ADARB1: variants seen among roughly 807,000 people sequenced by gnomAD.
The protein encoded by ADARB1 is double-stranded RNA-specific editase 1.
In ADARB1, 10 loss-of-function variants were observed where a neutral mutation model predicts 52.4. The ratio of observed to expected loss-of-function variants is 0.19; its 90% CI spans 0.12 to 0.32. The LOEUF (loss-of-function observed/expected upper bound fraction) is 0.32. Among genes scored for constraint, ADARB1 ranks in the 10% least tolerant of loss-of-function variants. The pLI, the probability that ADARB1 is intolerant of heterozygous loss-of-function variation, is 1.00. For missense variants in ADARB1, 643 were observed against 922.3 expected (o/e 0.70, Z 3.92); for synonymous variants, 349 against 371.1 (o/e 0.94, Z 0.68).
At position 45,223,250 on chromosome 21, in the gene ADARB1, C is replaced by T; in HGVS notation, c.*1053C>T. 1.0e-6 allele frequency: 1 copy of T among 985,464 alleles called. No individual in the cohort carries two copies. Among genetic ancestry groups the T allele is most frequent in the Non-Finnish European group, 1.2e-6 (1 of 829,936 alleles). 61.0% of individuals were successfully genotyped at this position (985,464 alleles called of 1,614,324 possible). A position where few individuals can be genotyped will look rare whatever the true frequency, so the allele number is the denominator to read the frequency against. ...TTTAAATTATTGTTTCCAGCTTTAT[C>T]AAAGACATGTTTGAAAAATAAAAAG... On this transcript the variant is annotated 3_prime_UTR_variant, in exon 11 of 11. Coordinates refer to ENST00000348831, the MANE Select transcript of ADARB1 (RefSeq NM_001112.4).
chr21:45,090,486 C>G (rs975719073), intron 1 of ADARB1, among the ~76,000 whole-genome samples: 9 of 152,004 alleles, frequency 5.9e-5, no homozygotes, highest in Admixed American at 5.9e-4. Flanking sequence ...TGCCAATTTC[C>G]AAGTTATAAA....
Position 45,172,566 on chromosome 21 carries a change from A to G in ADARB1, c.28+882A>G, listed in dbSNP as rs2091528364. Among the ~76,000 whole-genome samples the G allele has an allele frequency of 1.3e-5, 2 of 152,148 alleles. No homozygotes were observed. Among genetic ancestry groups the G allele is most frequent in the African/African-American group, 2.4e-5 (1 of 41,432 alleles). On this transcript the variant is annotated intron_variant, in intron 3 of 10. Transcript: ENST00000348831. The surrounding 1 kb of genome is among the most constrained non-coding windows in gnomAD (Gnocchi z 4.4). ...TTGCGTACCATGTAGAACCCAAACCATGACCCAGTGAAGCATTTCTGCATG... is the reference window on the plus strand; with the variant it reads ...TTGCGTACCATGTAGAACCCAAACCGTGACCCAGTGAAGCATTTCTGCATG...
intron 1 of ADARB1, among the ~76,000 whole-genome samples, chr21:45,109,177 G>C (rs918999707): frequency 7.0e-6 from 1 of 143,282 alleles, no homozygotes; most frequent in Admixed American, 7.1e-5. Context: ...GTGTGCGCGC[G>C]TGTGCGTATA....
chr21:45,178,048 A>C (rs192296764), intron 4 of ADARB1, among the ~76,000 whole-genome samples: 1 of 152,292 alleles, frequency 6.6e-6, no homozygotes, highest in Non-Finnish European at 1.5e-5. Flanking sequence ...TGAGTTCAAA[A>C]TATTGTCTGA....
intron 1 of ADARB1, among the ~76,000 whole-genome samples, chr21:45,126,756 G>T (rs141938398): frequency 2.0e-5 from 3 of 152,138 alleles, no homozygotes; most frequent in Admixed American, 2.0e-4. Flanking sequence ...ACTCAAATGG[G>T]AGGCAACCAT....
At chr21:45,194,607 C>A (rs1436810365) in intron 8 of ADARB1, among the ~76,000 whole-genome samples, 1 of 151,976 alleles carries the variant, frequency 6.6e-6, no homozygotes, top group Non-Finnish European at 1.5e-5. Flanking sequence ...ACCTCCTAAC[C>A]TCTGGCAACA....
At chr21:45,212,147 G>A (rs1007719312) in intron 9 of ADARB1, among the ~76,000 whole-genome samples, 7 of 152,196 alleles carry the variant, frequency 4.6e-5, no homozygotes, top group East Asian at 1.9e-4. Context: ...TTGATGAGAA[G>A]TAGTGGAATT....
chr21:45,115,874 G>A (rs2087796260), intron 1 of ADARB1, among the ~76,000 whole-genome samples: 2 of 152,194 alleles, frequency 1.3e-5, no homozygotes, highest in Admixed American at 1.3e-4. Context: ...GGGCCATGAT[G>A]TCACCACATT....
Position 45,221,037 on chromosome 21 carries a change from A to G in ADARB1, c.1926+23A>G, listed in dbSNP as rs377208623. ...AAGGTACTGAGGCGCCCTCACCGCA[A>G]TGCGCCGGCTCCACCTCCCCAATAG... On this transcript the variant is annotated intron_variant, in intron 10 of 10. Coordinates refer to ENST00000348831, the MANE Select transcript of ADARB1 (RefSeq NM_001112.4). The surrounding 1 kb of genome is among the most constrained non-coding windows in gnomAD (Gnocchi z 4.9). 15 of 1,586,032 alleles carry G rather than the reference A, an allele frequency of 9.5e-6. No homozygotes were observed. Among genetic ancestry groups the G allele is most frequent in the African/African-American group, 4.0e-5 (3 of 74,480 alleles).
intron 1 of ADARB1, among the ~76,000 whole-genome samples, chr21:45,089,329 G>C (rs1166493062): frequency 6.6e-6 from 1 of 152,054 alleles, no homozygotes; most frequent in African/African-American, 2.4e-5. Context: ...ATAAAAAGTT[G>C]AAAAAGAAAC....
At chr21:45,177,835 C>A (rs2146170185) in intron 4 of ADARB1, among the ~76,000 whole-genome samples, 1 of 152,230 alleles carries the variant, frequency 6.6e-6, no homozygotes, top group African/African-American at 2.4e-5. Flanking sequence ...CTAAAGGAAT[C>A]AAATGCAACA....
intron 1 of ADARB1, among the ~76,000 whole-genome samples, chr21:45,108,848 A>G (rs1302634510): frequency 5.3e-5 from 8 of 151,564 alleles, no homozygotes; most frequent in Admixed American, 5.3e-4. Flanking sequence ...CCTGATACAG[A>G]TTAAACACAG....
Position 45,223,971 on chromosome 21 carries a change from G to A in ADARB1, c.*1774G>A, listed in dbSNP as rs1450350099. The A allele has an allele frequency of 1.0e-6, 1 of 985,278 alleles. No individual in the cohort carries two copies. Among genetic ancestry groups the A allele is most frequent in the African/African-American group, 1.7e-5 (1 of 57,196 alleles). The allele number at this position is 985,278 out of a possible 1,614,324, so 61.0% of individuals were successfully genotyped here. On this transcript the variant is annotated 3_prime_UTR_variant, in exon 11 of 11. Transcript: ENST00000348831. ...TGTCTCCCTGAAGCAGTCACAGCAGGCGTCTCTGCCGCTCCGTCACCACAG... is the reference window on the plus strand; with the variant it reads ...TGTCTCCCTGAAGCAGTCACAGCAGACGTCTCTGCCGCTCCGTCACCACAG...
rs1236803348 is a variant in ADARB1, at chr21:45,182,730, T to C, written c.1224T>C (p.Tyr408=). The C allele has an allele frequency of 2.5e-6, 4 of 1,601,058 alleles. No homozygotes were observed. The African/African-American group carries it at 4.1e-5, about 16-fold the overall frequency. ...GGAGATCCTTGCTCAGATTTCTTTA[T>C]ACACAACTTGAGCTTTACTTAAAGT... ...ISRRSLLRFL[Y]TQLELYLNNK... The change falls in exon 6 of 11, where the codon TAT becomes TAC. Residue 408 remains tyrosine, a synonymous_variant. Transcript: ENST00000348831.
chr21:45,183,117 A>C (rs973118027), intron 6 of ADARB1, among the ~76,000 whole-genome samples: 2 of 152,170 alleles, frequency 1.3e-5, no homozygotes, highest in Admixed American at 6.5e-5. Flanking sequence ...TTACAAAGCC[A>C]TTTTTTGTAT....
chr21:45,182,784 G>T (rs748148497), intron 6 of ADARB1, 31 bp downstream of exon 6: 2 of 1,525,112 alleles, frequency 1.3e-6, no homozygotes, highest in Non-Finnish European at 8.8e-7. Context: ...AGGACAGGAA[G>T]CTCTTTTTAA....
intron 3 of ADARB1, among the ~76,000 whole-genome samples, chr21:45,173,545 A>G (rs2091571524): frequency 6.6e-6 from 1 of 152,114 alleles, no homozygotes; most frequent in Non-Finnish European, 1.5e-5. Context: ...TTCTGAAAGG[A>G]AAGCATTTGG....
chr21:45,220,180 C>T lies in ADARB1; in HGVS notation c.1748-656C>T, dbSNP rs1430857159. 6.6e-6 allele frequency among the ~76,000 whole-genome samples: 1 copy of T among 152,166 alleles called. No individual in the cohort carries two copies. The highest frequency in any genetic ancestry group is 2.4e-5 in the African/African-American group (1 of 41,440). ...AACTAGATCCTATTCAGACATGTTT[C>T]AGCAAGTTAGTACAAGTTTATTTTG... On this transcript the variant is annotated intron_variant, in intron 9 of 10. Coordinates refer to ENST00000348831, the MANE Select transcript of ADARB1 (RefSeq NM_001112.4). This position sits in a 1 kb window ranked among gnomAD's most constrained non-coding sequence, Gnocchi z 6.3.
At chr21:45,165,375 A>C (rs2091209022) in intron 2 of ADARB1, among the ~76,000 whole-genome samples, 1 of 152,146 alleles carries the variant, frequency 6.6e-6, no homozygotes, top group African/African-American at 2.4e-5. Context: ...ATTGTACATT[A>C]TTATTCTTAT....
Sources: allele counts gnomAD v4.1 joint callset (sites outside exome capture counted in the v4.1 genomes callset), GRCh38; gene constraint gnomAD v4.1.1; non-coding constraint Gnocchi (gnomAD v3.1); transcripts MANE v1.5; gene names NCBI Gene and HGNC (gene_info 2026-07-23, HGNC 2026-07-21).